Variants in NPAS3 observed in about 807,000 individuals in gnomAD.
The protein encoded by NPAS3 is neuronal PAS domain protein 3.
In NPAS3, 14 loss-of-function variants were observed where a neutral mutation model predicts 73.1. That is an observed-to-expected ratio of 0.19 (90% CI 0.13 to 0.30). The LOEUF (loss-of-function observed/expected upper bound fraction) is 0.30, where lower values mean the gene tolerates loss of function less well. Ranked by LOEUF, NPAS3 falls within the 10% of genes least tolerant of loss-of-function variation. NPAS3 has a pLI of 1.00. For missense variants in NPAS3, 1,096 were observed against 1,250.0 expected, an observed-to-expected ratio of 0.88 and a Z score of 1.86; for synonymous variants, 620 against 541.5, an observed-to-expected ratio of 1.14 and a Z score of -2.01.
chr14:33,764,755 G>A (rs2062406955), intron 7 of NPAS3, among the ~76,000 whole-genome samples: 1 of 152,208 alleles, frequency 6.6e-6, no homozygotes, highest in African/African-American at 2.4e-5. Context: ...GAATAAAAAA[G>A]TTCCCCTCCA....
chr14:33,424,407 C>A (rs977826078), intron 4 of NPAS3, among the ~76,000 whole-genome samples: 9 of 151,830 alleles, frequency 5.9e-5, no homozygotes, highest in African/African-American at 2.2e-4. Flanking sequence ...GGGTTTCAGG[C>A]AGAGGTTGTA....
At chr14:33,171,814 T>C (rs370384989) in intron 2 of NPAS3, among the ~76,000 whole-genome samples, 3 of 152,242 alleles carry the variant, frequency 2.0e-5, no homozygotes, top group East Asian at 3.8e-4. Flanking sequence ...ATCTTGCTTT[T>C]CGACGTGCCT....
At chr14:33,717,765 T>C (rs899382075) in intron 6 of NPAS3, among the ~76,000 whole-genome samples, 2 of 152,106 alleles carry the variant, frequency 1.3e-5, no homozygotes, top group African/African-American at 4.8e-5. Flanking sequence ...TACATGGTCA[T>C]AGACAACAGA....
intron 5 of NPAS3, 23 bp downstream of exon 5, chr14:33,560,233 C>G (rs749797972): frequency 3.5e-6 from 3 of 852,536 alleles, no homozygotes; most frequent in Non-Finnish European, 6.1e-6. Context: ...ATTTTAGATT[C>G]TTGGCAGCGA....
rs57147759 is a variant in NPAS3 at position 33,083,178 on chromosome 14, C to CAAAAAAAAAA, written c.140+27211_140+27220dup. Among the ~76,000 whole-genome samples, 2 of 65,018 alleles carry CAAAAAAAAAA rather than the reference C, an allele frequency of 3.1e-5. 1 individual carries two copies. The highest frequency in any genetic ancestry group is 6.8e-5 in the Non-Finnish European group (2 of 29,242). The allele number at this position is 65,018 out of a possible 152,430, so 42.7% of individuals were successfully genotyped here. On this transcript the variant is annotated intron_variant, in intron 2 of 11. Coordinates refer to ENST00000356141, the Ensembl canonical transcript of NPAS3. ...AGCCTGGGTAATGGCGAGACTGTCT[C>CAAAAAAAAAA]AAAAAAAAAAAAAAAAAAAAAAAAA... is the stretch of plus-strand genomic sequence containing the variant.
chr14:33,752,797 T>G (rs999189069), intron 7 of NPAS3, among the ~76,000 whole-genome samples: 1 of 152,154 alleles, frequency 6.6e-6, no homozygotes, highest in Non-Finnish European at 1.5e-5. Context: ...AAATTGAGTT[T>G]TGGGGAGGAC....
chr14:33,404,594 C>A (rs1029730129), intron 4 of NPAS3, among the ~76,000 whole-genome samples: 3 of 152,044 alleles, frequency 2.0e-5, no homozygotes, highest in African/African-American at 7.2e-5. Context: ...AGTATTTTCA[C>A]GCTCATGGAG....
intron 4 of NPAS3, among the ~76,000 whole-genome samples, chr14:33,542,536 T>G (rs2054569640): frequency 6.6e-6 from 1 of 151,976 alleles, no homozygotes; most frequent in Admixed American, 6.6e-5. Context: ...CATCTCATCA[T>G]TTTTTTTCAG....
chr14:33,288,408 T>A (rs1425014782), intron 3 of NPAS3, among the ~76,000 whole-genome samples: 1 of 152,126 alleles, frequency 6.6e-6, no homozygotes, highest in Non-Finnish European at 1.5e-5. Context: ...GGTTATGAAC[T>A]TTGGAATGGG....
chr14:33,043,830 A>C (rs1047286019), intron 1 of NPAS3, among the ~76,000 whole-genome samples: 2 of 152,120 alleles, frequency 1.3e-5, no homozygotes, highest in Non-Finnish European at 2.9e-5. Context: ...TAAAAAAAAA[A>C]AACAACTTCC....
At chr14:33,153,832 G>A (rs1307365506) in intron 2 of NPAS3, among the ~76,000 whole-genome samples, 2 of 152,112 alleles carry the variant, frequency 1.3e-5, no homozygotes, top group African/African-American at 4.8e-5. Context: ...ATTGCATACT[G>A]TTGGCTTGGG....
intron 1 of NPAS3, among the ~76,000 whole-genome samples, chr14:32,997,452 C>G (rs1037229893): frequency 1.3e-5 from 2 of 151,926 alleles, no homozygotes; most frequent in African/African-American, 4.8e-5. Context: ...TGTCCCTCAC[C>G]CAAGTCTCAT....
chr14:33,084,080 A>T (rs1249303946), intron 2 of NPAS3, among the ~76,000 whole-genome samples: 1 of 152,232 alleles, frequency 6.6e-6, no homozygotes, highest in Non-Finnish European at 1.5e-5. Context: ...GTAAAAGTAT[A>T]TCAAAAAGAG....
chr14:32,989,536 C>A lies in NPAS3; in HGVS notation c.50+50170C>A, dbSNP rs541531847. 2.4e-4 allele frequency among the ~76,000 whole-genome samples: 36 copies of A among 152,060 alleles called. 1 individual carries two copies. Among genetic ancestry groups the A allele is most frequent in the African/African-American group, 8.4e-4 (35 of 41,484 alleles). ...GCGGGCGCCTGTAGTCCCAGCTACG[C>A]GGCAGGCTGAGGCAGGAGAATGGCG... is the stretch of plus-strand genomic sequence containing the variant. On this transcript the variant is annotated intron_variant, in intron 1 of 11. Transcript: ENST00000356141.
chr14:33,429,312 T>C (rs1046619490), intron 4 of NPAS3, among the ~76,000 whole-genome samples: 2 of 152,106 alleles, frequency 1.3e-5, no homozygotes, highest in African/African-American at 4.8e-5. Context: ...AACCCACATA[T>C]TGTCACTTAA....
At chr14:33,667,128 C>A (rs528401338) in intron 5 of NPAS3, among the ~76,000 whole-genome samples, 1 of 152,088 alleles carries the variant, frequency 6.6e-6, no homozygotes, top group Non-Finnish European at 1.5e-5. Flanking sequence ...AGTTTGCATT[C>A]TTTTCTTTAT....
At chr14:33,065,546 T>C (rs1022282357) in intron 2 of NPAS3, among the ~76,000 whole-genome samples, 3 of 152,128 alleles carry the variant, frequency 2.0e-5, no homozygotes, top group East Asian at 1.9e-4. Context: ...TATTTTTTCA[T>C]TGGCAAATTT....
chr14:33,169,439 G>A (rs1280246273), intron 2 of NPAS3, among the ~76,000 whole-genome samples: 2 of 152,060 alleles, frequency 1.3e-5, no homozygotes, highest in Non-Finnish European at 2.9e-5. Context: ...GTGGTGGTGG[G>A]CACCTGTAGT....
chr14:33,688,146 T>C (rs569610421), intron 6 of NPAS3, among the ~76,000 whole-genome samples: 2 of 152,318 alleles, frequency 1.3e-5, no homozygotes, highest in East Asian at 3.9e-4. Context: ...TGCATGTCAC[T>C]GAGGTTTGGT....
Sources: allele counts gnomAD v4.1 joint callset (sites outside exome capture counted in the v4.1 genomes callset), GRCh38; gene constraint gnomAD v4.1.1; transcripts MANE v1.5; gene names NCBI Gene and HGNC (gene_info 2026-07-23, HGNC 2026-07-21).